NFS1: variants seen among roughly 807,000 people sequenced by gnomAD.
NFS1 encodes the protein cysteine desulfurase.
A neutral mutation model predicts 57.3 loss-of-function variants in NFS1; 26 were observed. The ratio of observed to expected loss-of-function variants is 0.45; its 90% confidence interval spans 0.33 to 0.63. NFS1 has a LOEUF of 0.63. NFS1 is among the 20% of genes least tolerant of loss of function. The pLI, the probability that NFS1 is intolerant of heterozygous loss-of-function variation, is 0.02. For missense variants in NFS1, 505 were observed against 605.8 expected, an observed-to-expected ratio of 0.83 and a Z score of 1.75; for synonymous variants, 209 against 216.3, an observed-to-expected ratio of 0.97 and a Z score of 0.30.
chr20:35,685,342 G>A (rs557086018), intron 5 of NFS1, among the ~76,000 whole-genome samples: 1 of 151,754 alleles, frequency 6.6e-6, no homozygotes, highest in East Asian at 1.9e-4. Flanking sequence ...TGGTTCCAGA[G>A]CAAGTTCCTC....
chr20:35,692,264 C>T (rs1601534281), intron 4 of NFS1: 2 of 266,204 alleles, frequency 7.5e-6, no homozygotes, highest in Non-Finnish European at 1.5e-5. Flanking sequence ...ATCCCGGCTA[C>T]TCAGGAGGAT....
Position 35,680,669 on chromosome 20 carries a change from G to A in NFS1, c.790+68C>T, listed in dbSNP as rs1224373749. The A allele has an allele frequency of 4.5e-6, 6 of 1,334,992 alleles. No homozygotes were observed. The East Asian group carries it at 1.1e-4, about 24-fold the overall frequency. 82.7% of individuals were successfully genotyped at this position (1,334,992 alleles called of 1,614,324 possible). On this transcript the variant is annotated intron_variant, in intron 7 of 12. Coordinates refer to ENST00000374092, the MANE Select transcript of NFS1 (RefSeq NM_021100.5). Reference sequence around the variant, plus strand: ...AGAGCAACAGTAGTCCCAAATGACTGTGACAAACATCTATCAAAGGTCTTG... The same window carrying A: ...AGAGCAACAGTAGTCCCAAATGACTATGACAAACATCTATCAAAGGTCTTG...
chr20:35,690,294 A>C (rs1337297901), intron 5 of NFS1, 119 bp downstream of exon 5: 11 of 973,716 alleles, frequency 1.1e-5, no homozygotes, highest in Non-Finnish European at 1.6e-5. Flanking sequence ...TATTTCTCTA[A>C]ACTTCATCCT....
chr20:35,693,360 T>C (rs1271852601), intron 4 of NFS1, among the ~76,000 whole-genome samples: 1 of 152,048 alleles, frequency 6.6e-6, no homozygotes, highest in Non-Finnish European at 1.5e-5. Flanking sequence ...GGCCTCCCAA[T>C]GTGCTAAGAT....
intron 7 of NFS1, chr20:35,675,420 C>A: frequency 1.6e-6 from 1 of 607,598 alleles, no homozygotes. Context: ...GAGTAATGAT[C>A]AAAATGGTTT....
In NFS1 at chr20:35,675,052, T is replaced by C; in HGVS notation, c.941A>G (p.Glu314Gly). Residue 314 changes from glutamate (E) to glycine (G), a missense_variant, in exon 8 of 13, where the codon GAG becomes GGG. Coordinates refer to ENST00000374092, the MANE Select transcript of NFS1 (RefSeq NM_021100.5). ...GAACTGCTCTCCCCATACCTCCATC[T>C]CTTGCTGTGCCACCTCACACGCAGC... is the stretch of plus-strand genomic sequence containing the variant. Reference protein sequence around the residue: ...LGAACEVAQQEMEYDHKRISK... With the variant: ...LGAACEVAQQGMEYDHKRISK... 6.2e-7 allele frequency: 1 copy of C among 1,613,926 alleles called. No individual in the cohort carries two copies. The highest frequency in any genetic ancestry group is 8.5e-7 in the Non-Finnish European group (1 of 1,179,884).
chr20:35,691,764 A>G (rs941265707), intron 4 of NFS1, among the ~76,000 whole-genome samples: 22 of 150,202 alleles, frequency 1.5e-4, no homozygotes, highest in African/African-American at 5.4e-4. Context: ...AAAAAAAAAA[A>G]AGAACGCCAG....
chr20:35,692,889 C>T (rs1293582365), intron 4 of NFS1, among the ~76,000 whole-genome samples: 1 of 151,754 alleles, frequency 6.6e-6, no homozygotes, highest in Non-Finnish European at 1.5e-5. Flanking sequence ...GTAATCCCAG[C>T]TACTCAGGAA....
intron 4 of NFS1, among the ~76,000 whole-genome samples, chr20:35,695,534 ATCT>A (rs1173246548): frequency 6.6e-6 from 1 of 152,224 alleles, no homozygotes; most frequent in Non-Finnish European, 1.5e-5. Flanking sequence ...AGCACCAAAG[ATCT>A]TCTATGTACC....
chr20:35,673,700 C>G lies in NFS1; in HGVS notation c.1137-16G>C, dbSNP rs200617986. ...GGTGCAGGCACTGAGGAGAGAGACA[C>G]GAACCTTGTTCAGTTCATCATCAAC... On this transcript the variant is annotated splice_polypyrimidine_tract_variant and intron_variant, in intron 10 of 12. Coordinates refer to ENST00000374092, the MANE Select transcript of NFS1 (RefSeq NM_021100.5). 370 of 1,605,014 alleles carry G rather than the reference C, an allele frequency of 2.3e-4. 2 individuals are homozygous for G. The highest frequency in any genetic ancestry group is 6.7e-5 in the Admixed American group (4 of 59,906).
chr20:35,674,661 G>T, intron 8 of NFS1, 44 bp from the exon 9 acceptor site: 1 of 1,467,460 alleles, frequency 6.8e-7, no homozygotes, highest in Non-Finnish European at 9.5e-7. Flanking sequence ...CCATTAACCA[G>T]CTCAGAAAGA....
In NFS1 at chr20:35,668,494, A is replaced by G. The variant is rs2034602787; in HGVS notation, c.*1128T>C. 4 of 152,216 alleles carry G rather than the reference A, an allele frequency of 2.6e-5. No homozygotes were observed. In the South Asian group the frequency reaches 8.3e-4, roughly 31 times the overall value. 9.4% of individuals were successfully genotyped at this position (152,216 alleles called of 1,614,324 possible). A position where few individuals can be genotyped will look rare whatever the true frequency, so the allele number is the denominator to read the frequency against. On this transcript the variant is annotated 3_prime_UTR_variant, in exon 13 of 13. Transcript: ENST00000374092. ...TTACAATGGCCTTCTCTTGGTTTCT[A>G]AAGTATAATACTTTGTGCTTTATCA... is the stretch of plus-strand genomic sequence containing the variant.
chr20:35,674,996 G>T (rs2034716409), intron 8 of NFS1, 49 bp downstream of exon 8: 3 of 1,609,454 alleles, frequency 1.9e-6, no homozygotes, highest in African/African-American at 1.3e-5. Flanking sequence ...CTAAATAGGA[G>T]ACCCAGCACA....
intron 7 of NFS1, among the ~76,000 whole-genome samples, chr20:35,678,305 A>G (rs1375469344): frequency 1.3e-5 from 2 of 152,102 alleles, no homozygotes; most frequent in African/African-American, 4.8e-5. Flanking sequence ...CAGTGAGCCA[A>G]GATCACGCCA....
chr20:35,699,156 G>C lies in NFS1; in HGVS notation c.97+36C>G, dbSNP rs950298866. ...GTTGCGTCGCCGCGCGGAGGGGACA[G>C]GTCCGCGCCTCCCGGAGAGCGGGAC... On this transcript the variant is annotated intron_variant, in intron 1 of 12. Transcript: ENST00000374092. This position sits in a 1 kb window ranked among gnomAD's most constrained non-coding sequence, Gnocchi z 4.4. 6 of 1,387,112 alleles carry C rather than the reference G, an allele frequency of 4.3e-6. No homozygotes were observed. In the East Asian group the frequency reaches 9.0e-5, roughly 21 times the overall value. 85.9% of individuals were successfully genotyped at this position (1,387,112 alleles called of 1,614,324 possible). A position where few individuals can be genotyped will look rare whatever the true frequency, so the allele number is the denominator to read the frequency against.
At chr20:35,683,409 G>A (rs1002892045) in intron 5 of NFS1, among the ~76,000 whole-genome samples, 1 of 151,738 alleles carries the variant, frequency 6.6e-6, no homozygotes, top group African/African-American at 2.4e-5. Flanking sequence ...TTGAACCCGG[G>A]GGGCAGAGGT....
chr20:35,677,515 G>A (rs780854173), intron 7 of NFS1, among the ~76,000 whole-genome samples: 1 of 152,034 alleles, frequency 6.6e-6, no homozygotes, highest in Non-Finnish European at 1.5e-5. Context: ...ACTCCAGGCT[G>A]GGCAACAGAC....
At chr20:35,673,815 T>C in intron 10 of NFS1, 131 bp from the exon 11 acceptor site, 1 of 645,056 alleles carries the variant, frequency 1.6e-6, no homozygotes, top group Non-Finnish European at 2.7e-6. Flanking sequence ...CCTTCTAATC[T>C]GGCAGAACTA....
intron 4 of NFS1, chr20:35,694,630 AT>A: frequency 6.6e-6 from 1 of 151,930 alleles, no homozygotes; most frequent in African/African-American, 2.4e-5. Flanking sequence ...GTAAGTAAAA[AT>A]GGTTGTGGGG....
Sources: gnomAD v4.1 joint callset for allele counts (sites outside exome capture counted in the v4.1 genomes callset) on GRCh38, gnomAD v4.1.1 for gene constraint, Gnocchi (gnomAD v3.1) non-coding constraint, MANE v1.5 for transcripts, NCBI Gene and HGNC (gene_info 2026-07-23, HGNC 2026-07-21) for gene names.